LDLRAD3: variants seen among roughly 807,000 people sequenced by gnomAD.
LDLRAD3 encodes low-density lipoprotein receptor class A domain-containing protein 3.
Under a neutral mutation model 29.4 loss-of-function variants are expected in LDLRAD3, and 20 were observed. That is an observed-to-expected ratio of 0.68 (90% CI 0.48 to 0.99). The LOEUF (loss-of-function observed/expected upper bound fraction) is 0.99. Among genes scored for constraint, LDLRAD3 ranks in the 50% least tolerant of loss-of-function variants. The probability of loss-of-function intolerance (pLI) is 0.00; values close to 1 mark genes in which losing one functional copy is unlikely to be tolerated. For missense variants in LDLRAD3, 420 were observed against 454.3 expected, an observed-to-expected ratio of 0.92 and a Z score of 0.69; for synonymous variants, 157 against 192.7, an observed-to-expected ratio of 0.81 and a Z score of 1.53.
rs11033417 is a variant in LDLRAD3 at position 36,094,155 on chromosome 11, G to A, written c.320-4172G>A. On this transcript the variant is annotated intron_variant, in intron 3 of 5. Transcript: ENST00000315571. ...CTCGCCCCTGTCTGCCCAGGCATTT[G>A]TCTGCTTCCTGGCACCATCACTGCT... Among the ~76,000 whole-genome samples, 9 of 152,228 alleles carry A rather than the reference G, an allele frequency of 5.9e-5. No homozygotes were observed. In the South Asian group the frequency reaches 6.2e-4, roughly 11 times the overall value.
chr11:36,097,896 A>G (rs1350175256), intron 3 of LDLRAD3, among the ~76,000 whole-genome samples: 1 of 152,226 alleles, frequency 6.6e-6, no homozygotes, highest in Non-Finnish European at 1.5e-5. Flanking sequence ...GTTTAAAAAG[A>G]GACTAGAAAG....
chr11:36,003,849 A>T (rs959418978), intron 1 of LDLRAD3, among the ~76,000 whole-genome samples: 2 of 152,190 alleles, frequency 1.3e-5, no homozygotes, highest in Non-Finnish European at 2.9e-5. Context: ...TCATGGTGGA[A>T]GGCGAAGGGG....
intron 1 of LDLRAD3, among the ~76,000 whole-genome samples, chr11:35,957,895 A>G (rs1851225643): frequency 6.6e-6 from 1 of 152,136 alleles, no homozygotes; most frequent in Admixed American, 6.6e-5. Context: ...GGAAATCCCT[A>G]AAAACAGAAA....
intron 4 of LDLRAD3, among the ~76,000 whole-genome samples, chr11:36,216,574 T>A (rs1855355890): frequency 6.6e-6 from 1 of 152,182 alleles, no homozygotes; most frequent in African/African-American, 2.4e-5. Flanking sequence ...AAGGTGAGGA[T>A]TTTGAGACAC....
At chr11:36,096,988 A>G (rs527282725) in intron 3 of LDLRAD3, among the ~76,000 whole-genome samples, 1 of 152,370 alleles carries the variant, frequency 6.6e-6, no homozygotes, top group Admixed American at 6.5e-5. Flanking sequence ...TGTTTGAATC[A>G]CACTGCAGGT....
chr11:36,223,522 A>G (rs1258051449), intron 4 of LDLRAD3, among the ~76,000 whole-genome samples: 3 of 152,146 alleles, frequency 2.0e-5, no homozygotes, highest in Non-Finnish European at 1.5e-5. Context: ...TGAGCCCAGG[A>G]GTTCAAGACC....
chr11:36,079,775 G>A (rs1407892916), intron 2 of LDLRAD3, among the ~76,000 whole-genome samples: 1 of 152,194 alleles, frequency 6.6e-6, no homozygotes, highest in Non-Finnish European at 1.5e-5. Flanking sequence ...TGTTGGGCCA[G>A]TGGGTTTGTG....
chr11:36,165,877 C>T (rs1307771916), intron 4 of LDLRAD3, among the ~76,000 whole-genome samples: 3 of 151,380 alleles, frequency 2.0e-5, no homozygotes, highest in Non-Finnish European at 4.4e-5. Context: ...ATTTTTATGG[C>T]TTAAATATTT....
At chr11:36,215,262 T>C (rs1001548298) in intron 4 of LDLRAD3, among the ~76,000 whole-genome samples, 10 of 152,076 alleles carry the variant, frequency 6.6e-5, no homozygotes, top group Non-Finnish European at 1.5e-4. Flanking sequence ...GGGATGAGAT[T>C]ATTCAGGGCC....
chr11:36,053,092 A>C (rs1852551864), intron 2 of LDLRAD3, among the ~76,000 whole-genome samples: 2 of 151,876 alleles, frequency 1.3e-5, no homozygotes, highest in East Asian at 3.9e-4. Context: ...TGGAGCATGG[A>C]CTCTTGTCCT....
Position 36,225,535 on chromosome 11 carries a change from C to T in LDLRAD3, c.455-1550C>T, listed in dbSNP as rs184568973. Among the ~76,000 whole-genome samples the T allele has an allele frequency of 7.9e-5, 12 of 152,172 alleles. No homozygotes were observed. The East Asian group carries it at 2.1e-3, about 27-fold the overall frequency. ...TACCAGACCTTCACCCTGGAACTCCCGAGGAAGTGCCTGCAGATTGCCTGG... is the reference window on the plus strand; with the variant it reads ...TACCAGACCTTCACCCTGGAACTCCTGAGGAAGTGCCTGCAGATTGCCTGG... On this transcript the variant is annotated intron_variant, in intron 4 of 5. Coordinates refer to ENST00000315571, the MANE Select transcript of LDLRAD3 (RefSeq NM_174902.4).
chr11:36,100,596 C>T (rs1311605014), intron 4 of LDLRAD3, among the ~76,000 whole-genome samples: 1 of 152,040 alleles, frequency 6.6e-6, no homozygotes, highest in East Asian at 1.9e-4. Context: ...TGTGCCACCA[C>T]GCCCAGCTAA....
chr11:36,057,361 G>A (rs758509250), intron 2 of LDLRAD3, among the ~76,000 whole-genome samples: 2 of 152,094 alleles, frequency 1.3e-5, no homozygotes, highest in African/African-American at 4.8e-5. Context: ...TGAATTCCTC[G>A]CAGTAATTAC....
chr11:36,215,767 G>C (rs11033499), intron 4 of LDLRAD3, among the ~76,000 whole-genome samples: 35,372 of 152,116 alleles, frequency 0.23, 4,982 homozygotes, highest in Admixed American at 0.32. Flanking sequence ...CAGTGATTCT[G>C]TATCAGCCCG....
chr11:36,200,098 C>T (rs958988054), intron 4 of LDLRAD3, among the ~76,000 whole-genome samples: 1 of 151,994 alleles, frequency 6.6e-6, no homozygotes, highest in Non-Finnish European at 1.5e-5. Flanking sequence ...ACCAGAAAGG[C>T]GGATGTGTAG....
intron 4 of LDLRAD3, among the ~76,000 whole-genome samples, chr11:36,194,501 G>A (rs1044060299): frequency 6.6e-6 from 1 of 152,136 alleles, no homozygotes; most frequent in Non-Finnish European, 1.5e-5. Context: ...TTTCCTGTGT[G>A]GAGATGTCTG....
intron 2 of LDLRAD3, among the ~76,000 whole-genome samples, chr11:36,070,501 A>C (rs1263965784): frequency 6.6e-6 from 1 of 152,200 alleles, no homozygotes; most frequent in Non-Finnish European, 1.5e-5. Flanking sequence ...GGGGTGTATT[A>C]GACTTGGCTT....
intron 4 of LDLRAD3, among the ~76,000 whole-genome samples, chr11:36,179,055 C>A (rs114753391): frequency 6.6e-6 from 1 of 152,198 alleles, no homozygotes; most frequent in African/African-American, 2.4e-5. Context: ...GTAATTTAAT[C>A]TTTTCCCTGA....
chr11:35,974,361 G>A (rs1416447822), intron 1 of LDLRAD3, among the ~76,000 whole-genome samples: 1 of 151,174 alleles, frequency 6.6e-6, no homozygotes. Context: ...ATTCATTCTT[G>A]CTCACTGACT....
Sources: allele counts gnomAD v4.1 joint callset (sites outside exome capture counted in the v4.1 genomes callset), GRCh38; gene constraint gnomAD v4.1.1; transcripts MANE v1.5; gene names NCBI Gene and HGNC (gene_info 2026-07-23, HGNC 2026-07-21).